FSTL5: variants seen among roughly 807,000 people sequenced by gnomAD.
FSTL5 encodes the protein follistatin-related protein 5.
A neutral mutation model predicts 89.1 loss-of-function variants in FSTL5; 62 were observed. The observed-to-expected ratio is 0.70, with a 90% CI of 0.57 to 0.86. The LOEUF is 0.86. Ranked by LOEUF, FSTL5 falls within the 40% of genes least tolerant of loss-of-function variation. FSTL5 has a pLI of 0.00. For synonymous variants in FSTL5, 383 were observed against 346.2 expected (o/e 1.11, Z -1.18); for missense variants, 1,057 against 1,001.6 (o/e 1.06, Z -0.75).
chr4:162,033,868 G>A (rs1737632291), intron 2 of FSTL5, among the ~76,000 whole-genome samples: 1 of 152,094 alleles, frequency 6.6e-6, no homozygotes, highest in Non-Finnish European at 1.5e-5. Flanking sequence ...GCATGAACAT[G>A]GTTCACTGCA....
chr4:162,092,011 A>G (rs976311161), intron 2 of FSTL5, among the ~76,000 whole-genome samples: 5 of 151,696 alleles, frequency 3.3e-5, no homozygotes, highest in African/African-American at 9.7e-5. Flanking sequence ...TATATTACAT[A>G]TAGAATTTGT....
In FSTL5 at chr4:161,500,095, T is replaced by C; in HGVS notation, c.1379A>G (p.Asp460Gly). The part of the protein sequence containing the change: ...IGNMFYVFYE[D>G]GIKVIQPIEC... ...TATGGGTTGTATCACTTTGATTCCATCTTCATAAAAAACATAGAACATGTT... is the reference window on the plus strand; with the variant it reads ...TATGGGTTGTATCACTTTGATTCCACCTTCATAAAAAACATAGAACATGTT... Residue 460 changes from aspartate to glycine, a missense_variant, in exon 12 of 16, where the codon GAT becomes GGT. Coordinates refer to ENST00000306100, the MANE Select transcript of FSTL5 (RefSeq NM_020116.5). 6.2e-7 allele frequency: 1 copy of C among 1,607,386 alleles called. No homozygotes were observed. Among genetic ancestry groups the C allele is most frequent in the Non-Finnish European group, 8.5e-7 (1 of 1,175,854 alleles).
intron 4 of FSTL5, among the ~76,000 whole-genome samples, chr4:161,800,460 T>C (rs771975316): frequency 6.6e-6 from 1 of 151,674 alleles, no homozygotes; most frequent in Non-Finnish European, 1.5e-5. Flanking sequence ...AGTCTTCATA[T>C]AGTCTAAATT....
intron 7 of FSTL5, among the ~76,000 whole-genome samples, chr4:161,599,035 T>C (rs1271812547): frequency 6.6e-6 from 1 of 152,048 alleles, no homozygotes; most frequent in African/African-American, 2.4e-5. Flanking sequence ...AAAAATACAT[T>C]ATCAAAACAG....
At position 161,386,345 on chromosome 4, in the gene FSTL5, G is replaced by A; in HGVS notation, c.1946C>T (p.Pro649Leu). Reference protein sequence around the residue: ...TINLKDYKCVPQSLAYTHLGG... With the variant: ...TINLKDYKCVLQSLAYTHLGG... ...CAAGTGTGTATATGCCAATGACTGA[G>A]GAACGCACTTATAGTCCTTCAAGTT... The change falls in exon 16 of 16, where the codon CCT becomes CTT. Residue 649 changes from proline to leucine, a missense_variant. By Grantham distance (98) the Pro-to-Leu change is moderately conservative. Transcript: ENST00000306100. 6.2e-7 allele frequency: 1 copy of A among 1,613,864 alleles called. No homozygotes were observed. Among genetic ancestry groups the A allele is most frequent in the Non-Finnish European group, 8.5e-7 (1 of 1,179,900 alleles).
At chr4:161,736,013 C>G (rs957005174) in intron 6 of FSTL5, among the ~76,000 whole-genome samples, 2 of 151,992 alleles carry the variant, frequency 1.3e-5, no homozygotes, top group African/African-American at 4.8e-5. Flanking sequence ...ATGGGCTGAT[C>G]TATTTTCATG....
At chr4:161,488,448 G>A (rs935627307) in intron 12 of FSTL5, among the ~76,000 whole-genome samples, 4 of 151,918 alleles carry the variant, frequency 2.6e-5, no homozygotes, top group African/African-American at 9.7e-5. Flanking sequence ...TAAAAACAAA[G>A]CTTATGACAC....
chr4:161,448,844 G>A (rs1733052358), intron 15 of FSTL5, among the ~76,000 whole-genome samples: 1 of 152,084 alleles, frequency 6.6e-6, no homozygotes, highest in Non-Finnish European at 1.5e-5. Flanking sequence ...AGCTACCCTT[G>A]TCCTTTCCAG....
rs67493163 is a variant in FSTL5 at position 161,784,892 on chromosome 4, C to CAA, written c.410-8820_410-8819dup. Among the ~76,000 whole-genome samples, 6 of 79,210 alleles carry CAA rather than the reference C, an allele frequency of 7.6e-5. 1 individual carries two copies. The highest frequency in any genetic ancestry group is 6.9e-4 in the Admixed American group (4 of 5,812). 52.0% of individuals were successfully genotyped at this position (79,210 alleles called of 152,430 possible). A position where few individuals can be genotyped will look rare whatever the true frequency, so the allele number is the denominator to read the frequency against. ...CTGGCGACAGAGCAAGACTCCGTCTCAAAAAAAACAAAAACAAACAAACAA... is the reference window on the plus strand; with the variant it reads ...CTGGCGACAGAGCAAGACTCCGTCTCAAAAAAAAAACAAAAACAAACAAACAA... On this transcript the variant is annotated intron_variant, in intron 4 of 15. Transcript: ENST00000306100.
chr4:161,426,177 A>G (rs1407043830), intron 15 of FSTL5, among the ~76,000 whole-genome samples: 2 of 152,150 alleles, frequency 1.3e-5, no homozygotes, highest in African/African-American at 4.8e-5. Context: ...TGAATTAACT[A>G]TATGTAGCAA....
At chr4:162,119,991 A>T (rs1382220928) in intron 1 of FSTL5, among the ~76,000 whole-genome samples, 1 of 152,166 alleles carries the variant, frequency 6.6e-6, no homozygotes, top group Admixed American at 6.5e-5. Flanking sequence ...ATAAGAATAT[A>T]ATTTTAAGTA....
At chr4:161,771,776 T>C (rs916548991) in intron 5 of FSTL5, among the ~76,000 whole-genome samples, 1 of 152,184 alleles carries the variant, frequency 6.6e-6, no homozygotes, top group Non-Finnish European at 1.5e-5. Context: ...AGTTTAAAAT[T>C]TCAGCTGGGC....
intron 3 of FSTL5, among the ~76,000 whole-genome samples, chr4:161,930,216 A>C (rs1560922576): frequency 6.6e-6 from 1 of 151,906 alleles, no homozygotes; most frequent in Admixed American, 6.6e-5. Context: ...TCACAGCTGA[A>C]TTTAAGAAGA....
intron 2 of FSTL5, among the ~76,000 whole-genome samples, chr4:162,061,534 C>T (rs754061613): frequency 7.2e-5 from 11 of 152,174 alleles, no homozygotes; most frequent in Non-Finnish European, 5.9e-5. Flanking sequence ...ACCACTCCTA[C>T]TCTGATGACT....
intron 5 of FSTL5, among the ~76,000 whole-genome samples, chr4:161,762,202 C>T (rs998717698): frequency 2.0e-5 from 3 of 152,172 alleles, no homozygotes; most frequent in Non-Finnish European, 2.9e-5. Flanking sequence ...GAGTCTTGCT[C>T]TGTCGCCCAG....
chr4:162,118,870 A>C (rs1176692471), intron 1 of FSTL5, among the ~76,000 whole-genome samples: 1 of 152,162 alleles, frequency 6.6e-6, no homozygotes, highest in African/African-American at 2.4e-5. Flanking sequence ...ATAAAGAAAA[A>C]TAAAAGCTTA....
intron 10 of FSTL5, among the ~76,000 whole-genome samples, chr4:161,525,576 T>TA (rs869254890): frequency 3.9e-5 from 6 of 152,146 alleles, no homozygotes; most frequent in African/African-American, 1.4e-4. Flanking sequence ...CAATTCAAAT[T>TA]AAAAAAAAAT....
In FSTL5 at chr4:162,140,342, A is replaced by G. The variant is rs114336871; in HGVS notation, c.-17+23273T>C. ...AATATTTATAGTAACATTGTTTTTAATAGTAAATTGCCAGTAACAACCCAA... is the reference window on the plus strand; with the variant it reads ...AATATTTATAGTAACATTGTTTTTAGTAGTAAATTGCCAGTAACAACCCAA... On this transcript the variant is annotated intron_variant, in intron 1 of 15. Coordinates refer to ENST00000306100, the MANE Select transcript of FSTL5 (RefSeq NM_020116.5). 3.9e-3 allele frequency among the ~76,000 whole-genome samples: 597 copies of G among 152,298 alleles called. 4 individuals carry two copies. Among genetic ancestry groups the G allele is most frequent in the African/African-American group, 0.013 (559 of 41,568 alleles).
chr4:161,475,031 T>A (rs1056817620), intron 13 of FSTL5, among the ~76,000 whole-genome samples: 1 of 151,490 alleles, frequency 6.6e-6, no homozygotes, highest in African/African-American at 2.4e-5. Flanking sequence ...GATTGGCTTT[T>A]TTTTTTTTTT....
Sources: allele counts gnomAD v4.1 joint callset (sites outside exome capture counted in the v4.1 genomes callset), GRCh38; gene constraint gnomAD v4.1.1; transcripts MANE v1.5; gene names NCBI Gene and HGNC (gene_info 2026-07-23, HGNC 2026-07-21).